Variants in CPA4 observed in about 807,000 individuals in gnomAD.
CPA4 encodes carboxypeptidase A3.
In CPA4, 49 loss-of-function variants were observed where a neutral mutation model predicts 54.7. The ratio of observed to expected loss-of-function variants is 0.90; its 90% CI spans 0.71 to 1.14. CPA4 has a LOEUF of 1.14. CPA4 is among the 50% of genes most tolerant of loss of function. The pLI is 0.00. For missense variants in CPA4, 487 were observed against 525.1 expected, an observed-to-expected ratio of 0.93 and a Z score of 0.71; for synonymous variants, 215 against 206.8, an observed-to-expected ratio of 1.04 and a Z score of -0.34.
Position 130,310,207 on chromosome 7 carries a change from C to T in CPA4, c.794-580C>T, listed in dbSNP as rs1793889376. Among the ~76,000 whole-genome samples, 1 of 152,068 alleles carries T rather than the reference C, an allele frequency of 6.6e-6. No individual in the cohort carries two copies. Among genetic ancestry groups the T allele is most frequent in the South Asian group, 2.1e-4 (1 of 4,836 alleles). On this transcript the variant is annotated intron_variant, in intron 8 of 10. Transcript: ENST00000222482. The surrounding 1 kb of genome is among the most constrained non-coding windows in gnomAD (Gnocchi z 4.3). Reference sequence around the variant, plus strand: ...TCAAAGTTAAGTCAGATATTCCCACCACTGGGGTGGTTTCAGTCACATTCA... The same window carrying T: ...TCAAAGTTAAGTCAGATATTCCCACTACTGGGGTGGTTTCAGTCACATTCA...
At chr7:130,295,798 A>G (rs1380859082) in intron 1 of CPA4, among the ~76,000 whole-genome samples, 1 of 151,990 alleles carries the variant, frequency 6.6e-6, no homozygotes, top group East Asian at 1.9e-4. Flanking sequence ...TGACCAACAT[A>G]GAGAAACCCC....
rs1229011316 is a variant in CPA4, at chr7:130,305,914, A to G, written c.585A>G (p.Ala195=). ...CCCAGGCCACTGCAATCTGGACGGCAAGGAAGGTCATGCTGCGTGGTATTA... is the reference window on the plus strand; with the variant it reads ...CCCAGGCCACTGCAATCTGGACGGCGAGGAAGGTCATGCTGCGTGGTATTA... ...WISQATAIWT[A]RKIVSDYQRD... Residue 195 remains alanine (A), a synonymous_variant, in exon 6 of 11, where the codon GCA becomes GCG. Coordinates refer to ENST00000222482, the MANE Select transcript of CPA4 (RefSeq NM_016352.4). 4.3e-6 allele frequency: 7 copies of G among 1,612,712 alleles called. No individual in the cohort carries two copies. The highest frequency in any genetic ancestry group is 5.9e-6 in the Non-Finnish European group (7 of 1,178,884).
chr7:130,298,717 CTCT>C (rs1409804364), intron 1 of CPA4, 26 bp from the exon 2 acceptor site: 1 of 1,400,106 alleles, frequency 7.1e-7, no homozygotes, highest in Non-Finnish European at 1.0e-6. Context: ...TTATCTTTTG[CTCT>C]TTTTTCCTTT....
intron 1 of CPA4, 81 bp from the exon 2 acceptor site, chr7:130,298,665 A>G: frequency 2.4e-6 from 2 of 837,154 alleles, no homozygotes; most frequent in Non-Finnish European, 4.1e-6. Context: ...TACGTCTGGG[A>G]TAGGAGGCTT....
Position 130,308,293 on chromosome 7 carries a change from G to A in CPA4, c.703-14G>A. ...GCCTCTGGTTGTTTGTCCCCTCCTT[G>A]GTGGCTTTTTCAGAACCGATTATGG... On this transcript the variant is annotated splice_polypyrimidine_tract_variant and intron_variant, in intron 7 of 10. Coordinates refer to ENST00000222482, the MANE Select transcript of CPA4 (RefSeq NM_016352.4). 6.2e-7 allele frequency: 1 copy of A among 1,611,900 alleles called. No individual in the cohort carries two copies. Among genetic ancestry groups the A allele is most frequent in the South Asian group, 1.1e-5 (1 of 91,042 alleles).
chr7:130,311,865 C>T (rs1793919899), intron 9 of CPA4, among the ~76,000 whole-genome samples, 173 bp from the exon 10 acceptor site: 1 of 152,180 alleles, frequency 6.6e-6, no homozygotes, highest in Non-Finnish European at 1.5e-5. Flanking sequence ...AGGAACCATG[C>T]CACCTCCCTC....
Position 130,309,791 on chromosome 7 carries a change from G to A in CPA4, c.794-996G>A, listed in dbSNP as rs191079326. On this transcript the variant is annotated intron_variant, in intron 8 of 10. Transcript: ENST00000222482. ...TGTTTGTTTTGTTTTGTTGAGACACGGTCGTGCTCTGTCATCCAGGCTGGA... is the reference window on the plus strand; with the variant it reads ...TGTTTGTTTTGTTTTGTTGAGACACAGTCGTGCTCTGTCATCCAGGCTGGA... Among the ~76,000 whole-genome samples, 797 of 152,158 alleles carry A rather than the reference G, an allele frequency of 5.2e-3. 4 individuals carry two copies. The highest frequency in any genetic ancestry group is 0.018 in the African/African-American group (755 of 41,530).
In CPA4 at chr7:130,322,499, C is replaced by A; in HGVS notation, c.1089C>A (p.Ser363Arg). The A allele has an allele frequency of 1.2e-6, 2 of 1,613,070 alleles. No homozygotes were observed. Residue 363 changes from serine (S) to arginine (R), a missense_variant, in exon 11 of 11, where the codon AGC becomes AGA. Transcript: ENST00000222482. ...TCCTCCGACTTACAGATCCAGCTAG[C>A]GGGAGCAGCATCGACTGGGCATATG... is the stretch of plus-strand genomic sequence containing the variant. ...GPTCTTVYPASGSSIDWAYDN... is the reference protein window; with the variant it reads ...GPTCTTVYPARGSSIDWAYDN...
intron 6 of CPA4, 97 bp downstream of exon 6, chr7:130,306,017 C>A: frequency 2.0e-6 from 2 of 986,388 alleles, no homozygotes; most frequent in South Asian, 1.3e-5. Flanking sequence ...TGGGAGGGTT[C>A]TCTACTAAGA....
chr7:130,312,168 G>A, intron 10 of CPA4, 46 bp downstream of exon 10: 1 of 1,422,624 alleles, frequency 7.0e-7, no homozygotes. Flanking sequence ...CACTTTGAGA[G>A]GAAACTTGAA....
Position 130,308,228 on chromosome 7 carries a change from C to T in CPA4, c.703-79C>T, listed in dbSNP as rs111392327. On this transcript the variant is annotated intron_variant, in intron 7 of 10. Coordinates refer to ENST00000222482, the MANE Select transcript of CPA4 (RefSeq NM_016352.4). ...AACTGCAAGCAGCCTGCCCTGCCTG[C>T]GTGTCATCTCCACCCTAGCCCTCTT... is the stretch of plus-strand genomic sequence containing the variant. 3,873 of 1,215,268 alleles carry T rather than the reference C, an allele frequency of 3.2e-3. 96 individuals are homozygous for T. In the African/African-American group the frequency reaches 0.05, roughly 16 times the overall value. The allele number at this position is 1,215,268 out of a possible 1,614,324, so 75.3% of individuals were successfully genotyped here.
intron 7 of CPA4, 124 bp from the exon 8 acceptor site, chr7:130,308,183 C>T (rs775261047): frequency 1.9e-4 from 148 of 774,280 alleles, no homozygotes; most frequent in Non-Finnish European, 3.1e-4. Flanking sequence ...GGACTAGGAG[C>T]CCCAGGGCCC....
intron 2 of CPA4, 25 bp from the exon 3 acceptor site, chr7:130,299,245 C>T: frequency 6.2e-7 from 1 of 1,612,006 alleles, no homozygotes; most frequent in Non-Finnish European, 8.5e-7. Flanking sequence ...GTCCTTTAAC[C>T]TGGTTTCATT....
chr7:130,315,183 G>T (rs1793970856), intron 10 of CPA4, among the ~76,000 whole-genome samples: 1 of 152,010 alleles, frequency 6.6e-6, no homozygotes. Context: ...TACGGGTTGT[G>T]GCAGGCATTT....
intron 4 of CPA4, among the ~76,000 whole-genome samples, chr7:130,301,538 T>C (rs1562928676): frequency 6.6e-6 from 1 of 152,266 alleles, no homozygotes; most frequent in East Asian, 1.9e-4. Context: ...TACAGTTCTC[T>C]TACACCCCTC....
Position 130,308,365 on chromosome 7 carries a change from AC to A in CPA4, c.764del (p.Pro255GlnfsTer34), listed in dbSNP as rs751005174. ...CCTGGAAGCTCCTGCATTGGTGCTGACCCAAATAGAAACTGGAACGCTAGTT... is the reference window on the plus strand; with the variant it reads ...CCTGGAAGCTCCTGCATTGGTGCTGACCAAATAGAAACTGGAACGCTAGTT... Reference protein sequence around the residue: ...RNPGSSCIGADPNRNWNASFA... With the variant: ...RNPGSSCIGAXPNRNWNASFA... On this transcript the variant is annotated frameshift_variant, in exon 8 of 11. Coordinates refer to ENST00000222482, the MANE Select transcript of CPA4 (RefSeq NM_016352.4). LOFTEE classifies it high-confidence loss of function. 1.9e-6 allele frequency: 3 copies of A among 1,614,072 alleles called. No homozygotes were observed. The highest frequency in any genetic ancestry group is 2.5e-6 in the Non-Finnish European group (3 of 1,180,000).
intron 7 of CPA4, among the ~76,000 whole-genome samples, chr7:130,307,811 A>C (rs1309220711): frequency 1.3e-5 from 2 of 152,144 alleles, no homozygotes; most frequent in Non-Finnish European, 2.9e-5. Flanking sequence ...TGTCTTGTAC[A>C]GTGTCTCACA....
chr7:130,313,422 A>T (rs935789548), intron 10 of CPA4, among the ~76,000 whole-genome samples: 8 of 152,138 alleles, frequency 5.3e-5, no homozygotes, highest in African/African-American at 1.9e-4. Flanking sequence ...ACTAGGCCTG[A>T]TTCTTACCCA....
intron 10 of CPA4, among the ~76,000 whole-genome samples, chr7:130,312,668 G>A (rs941347820): frequency 7.9e-5 from 12 of 152,138 alleles, no homozygotes; most frequent in Non-Finnish European, 1.8e-4. Flanking sequence ...GTTAAAGAAA[G>A]AGGAAAGAAA....
Sources: gnomAD v4.1 joint callset for allele counts (sites outside exome capture counted in the v4.1 genomes callset) on GRCh38, gnomAD v4.1.1 for gene constraint, Gnocchi (gnomAD v3.1) non-coding constraint, MANE v1.5 for transcripts, NCBI Gene and HGNC (gene_info 2026-07-23, HGNC 2026-07-21) for gene names.